Variants in ZNF584 observed in about 807,000 individuals in gnomAD.
ZNF584 encodes zinc finger protein 584.
Under a neutral mutation model 14.7 loss-of-function variants are expected in ZNF584, and 12 were observed. The ratio of observed to expected loss-of-function variants is 0.82; its 90% CI spans 0.52 to 1.32. ZNF584 has a LOEUF of 1.32. ZNF584 is among the 40% of genes most tolerant of loss of function. The pLI, the probability that ZNF584 is intolerant of heterozygous loss-of-function variation, is 0.00. For synonymous variants in ZNF584, 204 were observed against 190.9 expected (o/e 1.07, Z -0.57); for missense variants, 478 against 518.8 (o/e 0.92, Z 0.76).
rs1354129288 is a variant in ZNF584, at chr19:58,417,649, T to C, written c.1131T>C (p.Thr377=). The change falls in exon 4 of 4, where the codon ACT becomes ACC. Residue 377 remains threonine (T), a synonymous_variant. Coordinates refer to ENST00000306910, the MANE Select transcript of ZNF584 (RefSeq NM_173548.3). ...GCAATCGGCACCAGCAGTTCCACAC[T>C]GAAGAGAGGTCTTATGAATGTACAG... ...SYRNRHQQFH[T]EERSYECTEC... The C allele has an allele frequency of 1.2e-6, 2 of 1,614,058 alleles. No individual in the cohort carries two copies. The highest frequency in any genetic ancestry group is 1.1e-5 in the South Asian group (1 of 91,076).
At position 58,408,947 on chromosome 19, in the gene ZNF584, C is replaced by G; in HGVS notation, c.-201C>G. The G allele has an allele frequency of 1.9e-6, 1 of 533,708 alleles. No individual in the cohort carries two copies. Among genetic ancestry groups the G allele is most frequent in the Non-Finnish European group, 3.1e-6 (1 of 321,134 alleles). The allele number at this position is 533,708 out of a possible 1,614,324, so 33.1% of individuals were successfully genotyped here. Reference sequence around the variant, plus strand: ...CTTCCTCAGACTTATCGCTCGCGGACAGGCGCCGTGGGTCTCCCGGGCCTC... The same window carrying G: ...CTTCCTCAGACTTATCGCTCGCGGAGAGGCGCCGTGGGTCTCCCGGGCCTC... On this transcript the variant is annotated 5_prime_UTR_variant, in exon 1 of 4. Coordinates refer to ENST00000306910, the MANE Select transcript of ZNF584 (RefSeq NM_173548.3).
intron 2 of ZNF584, among the ~76,000 whole-genome samples, chr19:58,414,211 A>C (rs2052611804): frequency 1.3e-5 from 2 of 151,986 alleles, no homozygotes; most frequent in South Asian, 4.1e-4. Flanking sequence ...TGTTTTGTTT[A>C]AATTCCTTAA....
chr19:58,415,084 G>A (rs1287243900), intron 2 of ZNF584, among the ~76,000 whole-genome samples: 1 of 151,864 alleles, frequency 6.6e-6, no homozygotes, highest in Middle Eastern at 3.2e-3. Context: ...TAGTAGAAGG[G>A]GGGTTTCACC....
In ZNF584 at chr19:58,409,041, G is replaced by A. The variant is rs1489573440; in HGVS notation, c.-107G>A. ...TCTTCGGACGCATTTCACCCGCGCG[G>A]GGAGAGCTTCCCGGGAAGGTTCCAC... On this transcript the variant is annotated 5_prime_UTR_variant, in exon 1 of 4. Transcript: ENST00000306910. 1.4e-6 allele frequency: 2 copies of A among 1,379,506 alleles called. No individual in the cohort carries two copies. The highest frequency in any genetic ancestry group is 5.6e-5 in the Admixed American group (2 of 35,486). The allele number at this position is 1,379,506 out of a possible 1,614,324, so 85.5% of individuals were successfully genotyped here.
rs1568589428 is a variant in ZNF584, at chr19:58,417,211, A to G, written c.693A>G (p.Lys231=). ...TCAGTTACCCGTCTAAGCTGAGGAA[A>G]CACCAGAAGGTTCACACAGGCATAA... The part of the protein sequence containing the change: ...KAFSYPSKLR[K]HQKVHTGIKP... Residue 231 remains lysine (K), a synonymous_variant, in exon 4 of 4, where the codon AAA becomes AAG. Transcript: ENST00000306910. 6.2e-7 allele frequency: 1 copy of G among 1,614,020 alleles called. No individual in the cohort carries two copies. Among genetic ancestry groups the G allele is most frequent in the Non-Finnish European group, 8.5e-7 (1 of 1,180,004 alleles).
Position 58,415,526 on chromosome 19 carries a change from C to G in ZNF584, c.172C>G (p.Leu58Val). 1.2e-6 allele frequency: 2 copies of G among 1,612,392 alleles called. No homozygotes were observed. The highest frequency in any genetic ancestry group is 2.7e-5 in the African/African-American group (2 of 75,016). ...CTTTTACTACCTGTCACCCGCAGGA[C>G]TTGCACCTTCGAGATCCCCTGTGTT... Reference protein sequence around the residue: ...ENFALVSSLGLAPSRSPVFTQ... With the variant: ...ENFALVSSLGVAPSRSPVFTQ... Residue 58 changes from leucine (L) to valine (V), a missense_variant and splice_region_variant, in exon 3 of 4, where the codon CTT becomes GTT. This residue lies in a region of ZNF584 where 189 missense variants were observed against 177.9 expected (regional missense o/e 1.06). Transcript: ENST00000306910.
intron 1 of ZNF584, 137 bp downstream of exon 1, chr19:58,409,302 C>T: frequency 9.5e-7 from 1 of 1,057,018 alleles, no homozygotes; most frequent in Non-Finnish European, 1.3e-6. Flanking sequence ...TGGGGCATGC[C>T]CTTGGCAGTG....
At chr19:58,410,983 G>A (rs1304796138) in intron 2 of ZNF584, among the ~76,000 whole-genome samples, 3 of 149,974 alleles carry the variant, frequency 2.0e-5, no homozygotes, top group Non-Finnish European at 1.5e-5. Flanking sequence ...GTAGAGACAG[G>A]GTTTCACTTT....
intron 2 of ZNF584, 151 bp downstream of exon 2, chr19:58,410,242 A>G (rs957512169): frequency 8.8e-6 from 9 of 1,026,046 alleles, no homozygotes; most frequent in Non-Finnish European, 1.2e-5. Context: ...CGGTGGTGGG[A>G]CTCGGCGGTG....
upstream of ZNF584, among the ~76,000 whole-genome samples, chr19:58,403,958 C>CAA (rs35295910): frequency 0.24 from 19,234 of 79,650 alleles, 1,673 homozygotes; most frequent in Non-Finnish European, 0.3. Flanking sequence ...AACTCCGTCT[C>CAA]AAAAAAAAAA....
At chr19:58,401,906 A>AAAAAG (rs1386954920) in intron 1 of ZNF584, among the ~76,000 whole-genome samples, 1 of 118,518 alleles carries the variant, frequency 8.4e-6, no homozygotes, top group East Asian at 2.3e-4. Context: ...AAAAAAAAAG[A>AAAAAG]TTTTTTTTTT....
chr19:58,412,509 T>G (rs1599950982), intron 2 of ZNF584, among the ~76,000 whole-genome samples: 1 of 152,202 alleles, frequency 6.6e-6, no homozygotes, highest in African/African-American at 2.4e-5. Flanking sequence ...ACGCCCGGCC[T>G]GGCCAGGGTG....
At chr19:58,410,551 A>ATG (rs2052539897) in intron 2 of ZNF584, among the ~76,000 whole-genome samples, 1 of 31,460 alleles carries the variant, frequency 3.2e-5, no homozygotes, top group Non-Finnish European at 5.9e-5. Flanking sequence ...ATATATATAT[A>ATG]TATATATGTG....
chr19:58,406,535 A>G (rs1332897016), upstream of ZNF584: 1 of 152,338 alleles, frequency 6.6e-6, no homozygotes. Context: ...GATCAGGAAC[A>G]TAGAAAAGTG....
rs911778097 is a variant in ZNF584, at chr19:58,409,087, C to A, written c.-61C>A. 1 of 1,459,500 alleles carries A rather than the reference C, an allele frequency of 6.9e-7. No homozygotes were observed. Among genetic ancestry groups the A allele is most frequent in the Non-Finnish European group, 9.1e-7 (1 of 1,095,322 alleles). 90.4% of individuals were successfully genotyped at this position (1,459,500 alleles called of 1,614,324 possible). ...TCCACGGCGGCCGAGGGTTTCCGCG[C>A]CCGGGACGCGTTTCGGCTGAGGCCG... On this transcript the variant is annotated 5_prime_UTR_variant, in exon 1 of 4. Coordinates refer to ENST00000306910, the MANE Select transcript of ZNF584 (RefSeq NM_173548.3).
At chr19:58,409,913 T>G (rs1426642445) in intron 1 of ZNF584, 28 bp from the exon 2 acceptor site, 4 of 1,613,874 alleles carry the variant, frequency 2.5e-6, no homozygotes, top group Non-Finnish European at 3.4e-6. Context: ...ATTTTGGTTG[T>G]TTTTTTCTGC....
In ZNF584 at chr19:58,401,906, A is replaced by AAAAAT. The variant is rs1386954920; in HGVS notation, n.92+244_92+245insAAAAT. Among the ~76,000 whole-genome samples, 9 of 118,536 alleles carry AAAAAT rather than the reference A, an allele frequency of 7.6e-5. 1 individual carries two copies. Among genetic ancestry groups the AAAAAT allele is most frequent in the Non-Finnish European group, 1.2e-4 (7 of 60,176 alleles). The allele number at this position is 118,536 out of a possible 152,430, so 77.8% of individuals were successfully genotyped here. A position where few individuals can be genotyped will look rare whatever the true frequency, so the allele number is the denominator to read the frequency against. ...TCCTCAAAAAAAAAAAAAAAAAAAGATTTTTTTTTTTTTTTAGCCGGACGT... is the reference window on the plus strand; with the variant it reads ...TCCTCAAAAAAAAAAAAAAAAAAAGAAAAATTTTTTTTTTTTTTTTAGCCGGACGT... On this transcript the variant is annotated intron_variant and non_coding_transcript_variant, in intron 1 of 3. Coordinates refer to the ZNF584 transcript ENST00000594993.
chr19:58,415,838 C>G, intron 3 of ZNF584, 192 bp downstream of exon 3: 1 of 1,601,302 alleles, frequency 6.2e-7, no homozygotes, highest in Non-Finnish European at 8.5e-7. Context: ...GTTCCTGCCT[C>G]TCTGGCCTGC....
intron 2 of ZNF584, among the ~76,000 whole-genome samples, chr19:58,410,585 A>ATG (rs1555785572): frequency 4.2e-4 from 11 of 26,252 alleles, no homozygotes; most frequent in African/African-American, 2.8e-3. Flanking sequence ...ATATATATGT[A>ATG]TATATATGTA....
Sources: allele counts gnomAD v4.1 joint callset (sites outside exome capture counted in the v4.1 genomes callset), GRCh38; gene constraint gnomAD v4.1.1; regional missense constraint gnomAD v4.1.1; transcripts MANE v1.5; gene names NCBI Gene and HGNC (gene_info 2026-07-23, HGNC 2026-07-21).